Variants in COX10 observed in about 807,000 individuals in gnomAD.
COX10 encodes the protein protoheme IX farnesyltransferase, mitochondrial.
COX10 carries 27 observed loss-of-function variants against 37.3 expected under a neutral mutation model. The ratio of observed to expected loss-of-function variants is 0.72; its 90% CI spans 0.53 to 1.00. The LOEUF (loss-of-function observed/expected upper bound fraction) is 1.00, where lower values mean the gene tolerates loss of function less well. Among genes scored for constraint, COX10 ranks in the 50% least tolerant of loss-of-function variants. The pLI is 0.00. For missense variants in COX10, 475 were observed against 563.2 expected (o/e 0.84, Z 1.59); for synonymous variants, 222 against 229.1 (o/e 0.97, Z 0.28).
At position 14,174,345 on chromosome 17, in the gene COX10, A is replaced by C. The variant is rs1412674666; in HGVS notation, c.695+14398A>C. ...ATGGTGGCATGTGCCTGTAGTCCCA[A>C]CTACTTGGGAGGCTGAGGAGGGAGG... On this transcript the variant is annotated intron_variant, in intron 5 of 6. Coordinates refer to ENST00000261643, the MANE Select transcript of COX10 (RefSeq NM_001303.4). 2.0e-5 allele frequency among the ~76,000 whole-genome samples: 3 copies of C among 151,456 alleles called. No homozygotes were observed. In the South Asian group the frequency reaches 6.3e-4, roughly 32 times the overall value.
Position 14,182,731 on chromosome 17 carries a change from G to A in COX10, c.696-9258G>A, listed in dbSNP as rs553825980. 5.9e-5 allele frequency among the ~76,000 whole-genome samples: 9 copies of A among 151,940 alleles called. 1 individual carries two copies. The South Asian group carries it at 1.7e-3, about 28-fold the overall frequency. On this transcript the variant is annotated intron_variant, in intron 5 of 6. Coordinates refer to ENST00000261643, the MANE Select transcript of COX10 (RefSeq NM_001303.4). ...TTTTGTAATTTCAAAGTCATTTATTGTGGAAGAATGACCAAGAAGTATGAA... is the reference window on the plus strand; with the variant it reads ...TTTTGTAATTTCAAAGTCATTTATTATGGAAGAATGACCAAGAAGTATGAA...
Position 14,207,392 on chromosome 17 carries a change from TAAG to T in COX10, c.*182_*184del. ...AATATTACCCAAAATGCTCCCCAAA[TAAG>T]AAATGCATCAGCTCAGTCAGTGAAT... On this transcript the variant is annotated 3_prime_UTR_variant, in exon 7 of 7. Coordinates refer to ENST00000261643, the MANE Select transcript of COX10 (RefSeq NM_001303.4). 1.3e-6 allele frequency: 1 copy of T among 787,352 alleles called. No individual in the cohort carries two copies. The highest frequency in any genetic ancestry group is 1.8e-5 in the African/African-American group (1 of 57,132). The allele number at this position is 787,352 out of a possible 1,614,324, so 48.8% of individuals were successfully genotyped here. A position where few individuals can be genotyped will look rare whatever the true frequency, so the allele number is the denominator to read the frequency against.
chr17:14,192,737 A>G (rs1906244800), intron 6 of COX10, among the ~76,000 whole-genome samples: 1 of 151,878 alleles, frequency 6.6e-6, no homozygotes, highest in Admixed American at 6.6e-5. Context: ...CTATTGAAAG[A>G]TTCCTACATT....
intron 4 of COX10, among the ~76,000 whole-genome samples, chr17:14,138,934 A>G (rs1567599851): frequency 6.6e-6 from 1 of 152,034 alleles, no homozygotes; most frequent in Non-Finnish European, 1.5e-5. Context: ...AGCAACGGAG[A>G]CTCAAGACAG....
At chr17:14,110,428 C>T (rs1915984266) in intron 4 of COX10, among the ~76,000 whole-genome samples, 1 of 151,858 alleles carries the variant, frequency 6.6e-6, no homozygotes, top group South Asian at 2.1e-4. Context: ...GATTCAAAAG[C>T]AGATAATTAA....
intron 4 of COX10, among the ~76,000 whole-genome samples, chr17:14,152,088 G>A (rs916813010): frequency 6.6e-6 from 1 of 152,098 alleles, no homozygotes; most frequent in Non-Finnish European, 1.5e-5. Flanking sequence ...TTTAAGCAGC[G>A]GCTCTGTTGA....
intron 4 of COX10, among the ~76,000 whole-genome samples, chr17:14,131,773 GAGAC>G (rs980861656): frequency 1.1e-4 from 16 of 152,144 alleles, no homozygotes; most frequent in African/African-American, 3.9e-4. Flanking sequence ...TCATGAGACT[GAGAC>G]AGTCACTGTA....
At chr17:14,143,596 T>C (rs1904613959) in intron 4 of COX10, among the ~76,000 whole-genome samples, 1 of 151,874 alleles carries the variant, frequency 6.6e-6, no homozygotes, top group Non-Finnish European at 1.5e-5. Context: ...TATTATCTCC[T>C]CTCTGACCAA....
chr17:14,181,900 G>T, intron 5 of COX10: 1 of 700,042 alleles, frequency 1.4e-6, no homozygotes. Flanking sequence ...AATTTAAGAT[G>T]AATTGGTGTA....
At chr17:14,080,957 G>T (rs1211874694) in intron 3 of COX10, among the ~76,000 whole-genome samples, 2 of 151,736 alleles carry the variant, frequency 1.3e-5, no homozygotes, top group South Asian at 2.1e-4. Flanking sequence ...TTATGTTTTT[G>T]CATATTCTCT....
chr17:14,102,106 T>C lies in COX10; in HGVS notation c.500-12T>C, dbSNP rs767553471. The C allele has an allele frequency of 5.6e-6, 9 of 1,613,524 alleles. No homozygotes were observed. Among genetic ancestry groups the C allele is most frequent in the Non-Finnish European group, 7.6e-6 (9 of 1,179,588 alleles). ...TTGGTAACAGTGTGTCTGCTCTGTTTCTGTATCGCAGCTCTGGTTGTAAGT... is the reference window on the plus strand; with the variant it reads ...TTGGTAACAGTGTGTCTGCTCTGTTCCTGTATCGCAGCTCTGGTTGTAAGT... On this transcript the variant is annotated splice_polypyrimidine_tract_variant and intron_variant, in intron 3 of 6. Transcript: ENST00000261643.
intron 4 of COX10, among the ~76,000 whole-genome samples, chr17:14,159,327 G>T (rs1341715669): frequency 6.6e-6 from 1 of 152,162 alleles, no homozygotes; most frequent in African/African-American, 2.4e-5. Context: ...CTCAGGCTTT[G>T]GGTTGTGTGA....
chr17:14,166,683 C>T (rs1426829354), intron 5 of COX10, among the ~76,000 whole-genome samples: 2 of 144,058 alleles, frequency 1.4e-5, no homozygotes, highest in African/African-American at 2.6e-5. Flanking sequence ...GCGATCTCAG[C>T]TCACTGCAAC....
At chr17:14,100,018 C>T (rs1486010306) in intron 3 of COX10, among the ~76,000 whole-genome samples, 1 of 152,054 alleles carries the variant, frequency 6.6e-6, no homozygotes, top group Non-Finnish European at 1.5e-5. Context: ...TCCTACCTCT[C>T]CCAGTTACCA....
rs556135011 is a variant in COX10 at position 14,156,040 on chromosome 17, A to G, written c.625-3837A>G. Among the ~76,000 whole-genome samples, 7 of 152,304 alleles carry G rather than the reference A, an allele frequency of 4.6e-5. No homozygotes were observed. The East Asian group carries it at 1.4e-3, about 29-fold the overall frequency. Reference sequence around the variant, plus strand: ...TACCTCTGGAGCTTCATCACCAGCCATCCAGCAACACTCATGATAATAGCA... The same window carrying G: ...TACCTCTGGAGCTTCATCACCAGCCGTCCAGCAACACTCATGATAATAGCA... On this transcript the variant is annotated intron_variant, in intron 4 of 6. Coordinates refer to ENST00000261643, the MANE Select transcript of COX10 (RefSeq NM_001303.4).
At chr17:14,158,175 GA>G (rs1324342905) in intron 4 of COX10, among the ~76,000 whole-genome samples, 1 of 150,870 alleles carries the variant, frequency 6.6e-6, no homozygotes, top group Non-Finnish European at 1.5e-5. Context: ...AAAGAAGAAA[GA>G]AAAAAATAAA....
At position 14,076,992 on chromosome 17, in the gene COX10, G is replaced by A. The variant is rs1397955992; in HGVS notation, c.435G>A (p.Glu145=). The A allele has an allele frequency of 2.5e-6, 4 of 1,613,936 alleles. No individual in the cohort carries two copies. Among genetic ancestry groups the A allele is most frequent in the Non-Finnish European group, 3.4e-6 (4 of 1,180,020 alleles). The part of the protein sequence containing the change: ...KETKEEKRWK[E]MKLQVYDLPG... ...CAAAAGAGGAAAAGCGGTGGAAAGAGATGAAGCTGCAAGTGTATGATTTGC... is the reference window on the plus strand; with the variant it reads ...CAAAAGAGGAAAAGCGGTGGAAAGAAATGAAGCTGCAAGTGTATGATTTGC... Residue 145 remains glutamate, a synonymous_variant, in exon 3 of 7, where the codon GAG becomes GAA. Coordinates refer to ENST00000261643, the MANE Select transcript of COX10 (RefSeq NM_001303.4).
intron 4 of COX10, among the ~76,000 whole-genome samples, chr17:14,150,743 G>T (rs188811168): frequency 6.6e-6 from 1 of 152,282 alleles, no homozygotes; most frequent in Admixed American, 6.5e-5. Context: ...TAAGGTACTG[G>T]ATTCTTTAGC....
At chr17:14,175,776 G>A (rs1165390236) in intron 5 of COX10, among the ~76,000 whole-genome samples, 3 of 151,284 alleles carry the variant, frequency 2.0e-5, no homozygotes, top group Admixed American at 6.6e-5. Context: ...ACTCCAGAGC[G>A]GGAAGGCACT....
Sources: allele counts gnomAD v4.1 joint callset (sites outside exome capture counted in the v4.1 genomes callset), GRCh38; gene constraint gnomAD v4.1.1; transcripts MANE v1.5; gene names NCBI Gene and HGNC (gene_info 2026-07-23, HGNC 2026-07-21).